Variants in CDS2 observed in about 807,000 individuals in gnomAD.
CDS2 encodes the protein phosphatidate cytidylyltransferase 2.
CDS2 carries 47 observed loss-of-function variants against 59.0 expected under a neutral mutation model. The ratio of observed to expected loss-of-function variants is 0.80; its 90% CI spans 0.63 to 1.02. CDS2 has a LOEUF of 1.02. CDS2 is among the 50% of genes least tolerant of loss of function. The pLI, the probability that CDS2 is intolerant of heterozygous loss-of-function variation, is 0.00. For synonymous variants in CDS2, 207 were observed against 206.4 expected (o/e 1.00, Z -0.02); for missense variants, 356 against 558.9 (o/e 0.64, Z 3.66).
chr20:5,146,640 C>T (rs759395433), intron 1 of CDS2, among the ~76,000 whole-genome samples: 7 of 152,024 alleles, frequency 4.6e-5, no homozygotes, highest in Non-Finnish European at 2.9e-5. Flanking sequence ...ATTTTTTTAG[C>T]GTCTATTCTT....
rs905409918 is a variant in CDS2, at chr20:5,184,404, A to G, written c.672-454A>G. On this transcript the variant is annotated intron_variant, in intron 7 of 12. Coordinates refer to ENST00000460006, the MANE Select transcript of CDS2 (RefSeq NM_003818.4). The surrounding 1 kb of genome is among the most constrained non-coding windows in gnomAD (Gnocchi z 4.3). ...TAGAGCTAGTAATAAACAGCAAGAA[A>G]AGTCAGTAAATAATGAAAGAGTCAT... Among the ~76,000 whole-genome samples, 3 of 152,188 alleles carry G rather than the reference A, an allele frequency of 2.0e-5. No individual in the cohort carries two copies. Among genetic ancestry groups the G allele is most frequent in the Admixed American group, 2.0e-4 (3 of 15,282 alleles).
At chr20:5,143,303 A>T (rs1000479903) in intron 1 of CDS2, among the ~76,000 whole-genome samples, 1 of 152,222 alleles carries the variant, frequency 6.6e-6, no homozygotes, top group Non-Finnish European at 1.5e-5. Context: ...TGGCAAGTAT[A>T]TGGAGCAAGA....
At chr20:5,179,335 T>A (rs1172126071) in intron 5 of CDS2, among the ~76,000 whole-genome samples, 1 of 152,240 alleles carries the variant, frequency 6.6e-6, no homozygotes, top group African/African-American at 2.4e-5. Context: ...TTGGCCAGGC[T>A]GGTTCCGAAC....
At chr20:5,170,161 G>A (rs2090944946) in intron 1 of CDS2, among the ~76,000 whole-genome samples, 2 of 152,158 alleles carry the variant, frequency 1.3e-5, no homozygotes, top group Non-Finnish European at 2.9e-5. Flanking sequence ...TGTCATGAGT[G>A]TCAGAGCTGG....
chr20:5,137,467 G>C (rs2090657726), intron 1 of CDS2, among the ~76,000 whole-genome samples: 1 of 151,210 alleles, frequency 6.6e-6, no homozygotes, highest in South Asian at 2.1e-4. Context: ...GGTGTCGAAG[G>C]CCTGACCTCA....
rs2091129483 is a variant in CDS2 at position 5,193,026 on chromosome 20, C to G, written c.*2792C>G. On this transcript the variant is annotated 3_prime_UTR_variant, in exon 13 of 13. Coordinates refer to ENST00000460006, the MANE Select transcript of CDS2 (RefSeq NM_003818.4). ...CTAGCTCAGGAGGCCTGGCCTGAGC[C>G]AGGTTGGAGCTTAAATTGCTGTTGG... is the stretch of plus-strand genomic sequence containing the variant. 1 of 152,234 alleles carries G rather than the reference C, an allele frequency of 6.6e-6. No homozygotes were observed. The highest frequency in any genetic ancestry group is 2.4e-5 in the African/African-American group (1 of 41,446). 9.4% of individuals were successfully genotyped at this position (152,234 alleles called of 1,614,324 possible). A position where few individuals can be genotyped will look rare whatever the true frequency, so the allele number is the denominator to read the frequency against.
At chr20:5,150,812 G>A (rs2090783158) in intron 1 of CDS2, among the ~76,000 whole-genome samples, 1 of 152,224 alleles carries the variant, frequency 6.6e-6, no homozygotes, top group Non-Finnish European at 1.5e-5. Context: ...CTCCTCAGCA[G>A]ATGGTCTCTG....
intron 4 of CDS2, among the ~76,000 whole-genome samples, chr20:5,178,142 G>A (rs1600508512): frequency 6.6e-6 from 1 of 152,352 alleles, no homozygotes; most frequent in South Asian, 2.1e-4. Context: ...ATGAACGCCA[G>A]TTGAGGAGAG....
chr20:5,135,584 CAT>C (rs2090643665), intron 1 of CDS2, among the ~76,000 whole-genome samples: 1 of 152,182 alleles, frequency 6.6e-6, no homozygotes, highest in African/African-American at 2.4e-5. Context: ...CAAGTCTTGT[CAT>C]GTGGTGGTTA....
intron 2 of CDS2, among the ~76,000 whole-genome samples, chr20:5,173,932 A>G (rs2090975396): frequency 6.6e-6 from 1 of 152,182 alleles, no homozygotes. Context: ...TTCAAAGAGG[A>G]AGAGGGGACA....
intron 1 of CDS2, among the ~76,000 whole-genome samples, chr20:5,168,863 C>T (rs1030837865): frequency 6.6e-6 from 1 of 152,204 alleles, no homozygotes; most frequent in African/African-American, 2.4e-5. Context: ...CCTTCTCTTG[C>T]TTCTGTTATG....
chr20:5,152,896 G>A (rs1439543387), intron 1 of CDS2, among the ~76,000 whole-genome samples: 3 of 152,208 alleles, frequency 2.0e-5, no homozygotes, highest in African/African-American at 7.2e-5. Flanking sequence ...TATAAGTGGA[G>A]TAACTGGAAA....
intron 1 of CDS2, among the ~76,000 whole-genome samples, chr20:5,132,722 T>C (rs2090617543): frequency 6.6e-6 from 1 of 152,174 alleles, no homozygotes; most frequent in African/African-American, 2.4e-5. Flanking sequence ...ATATAACCAA[T>C]TATTTTATGT....
intron 1 of CDS2, among the ~76,000 whole-genome samples, chr20:5,172,197 CT>C (rs1169841858): frequency 1.3e-5 from 2 of 152,140 alleles, no homozygotes; most frequent in Non-Finnish European, 2.9e-5. Flanking sequence ...ATGTTCTTGT[CT>C]TTAAGGAGTT....
rs2091160268 is a variant in CDS2 at position 5,196,751 on chromosome 20, G to C, written c.*6517G>C. The C allele has an allele frequency of 6.6e-6, 1 of 152,304 alleles. No homozygotes were observed. The highest frequency in any genetic ancestry group is 2.1e-4 in the South Asian group (1 of 4,832). The allele number at this position is 152,304 out of a possible 1,614,324, so 9.4% of individuals were successfully genotyped here. A position where few individuals can be genotyped will look rare whatever the true frequency, so the allele number is the denominator to read the frequency against. ...TTCTTTTAAATCCTCTGTGCACAGG[G>C]CTCTGGCCTTTAGTAAACTGTTTTT... On this transcript the variant is annotated 3_prime_UTR_variant, in exon 13 of 13. Coordinates refer to ENST00000460006, the MANE Select transcript of CDS2 (RefSeq NM_003818.4).
intron 1 of CDS2, among the ~76,000 whole-genome samples, chr20:5,162,715 C>T (rs1330945712): frequency 6.6e-6 from 1 of 151,704 alleles, no homozygotes; most frequent in African/African-American, 2.4e-5. Context: ...TGTGGTAGGT[C>T]CAGAACTGAG....
At chr20:5,153,959 G>A (rs998165853) in intron 1 of CDS2, among the ~76,000 whole-genome samples, 14 of 152,150 alleles carry the variant, frequency 9.2e-5, no homozygotes, top group African/African-American at 3.4e-4. Context: ...TCTTCAGGTG[G>A]CATGCAGGTA....
In CDS2 at chr20:5,190,253, A is replaced by G. The variant is rs2091103575; in HGVS notation, c.*19A>G. 6.2e-7 allele frequency: 1 copy of G among 1,610,498 alleles called. No individual in the cohort carries two copies. Among genetic ancestry groups the G allele is most frequent in the African/African-American group, 1.3e-5 (1 of 74,858 alleles). Reference sequence around the variant, plus strand: ...CGAGTAGGGGCCACCCAGGGCCAGGAGAACAGGAACAGAACTGAGCAGGGG... The same window carrying G: ...CGAGTAGGGGCCACCCAGGGCCAGGGGAACAGGAACAGAACTGAGCAGGGG... On this transcript the variant is annotated 3_prime_UTR_variant, in exon 13 of 13. Coordinates refer to ENST00000460006, the MANE Select transcript of CDS2 (RefSeq NM_003818.4).
At chr20:5,173,099 A>G (rs2295507) in intron 1 of CDS2, among the ~76,000 whole-genome samples, 5,142 of 152,324 alleles carry the variant, frequency 0.034, 135 homozygotes, top group East Asian at 0.08. Flanking sequence ...TGACATTAAC[A>G]GGTCTACAGG....
Sources: gnomAD v4.1 joint callset for allele counts (sites outside exome capture counted in the v4.1 genomes callset) on GRCh38, gnomAD v4.1.1 for gene constraint, Gnocchi (gnomAD v3.1) non-coding constraint, MANE v1.5 for transcripts, NCBI Gene and HGNC (gene_info 2026-07-23, HGNC 2026-07-21) for gene names.